Variants in ROBO2 observed in about 807,000 individuals in gnomAD.
The protein encoded by ROBO2 is roundabout guidance receptor 2, also known as roundabout homolog 2.
ROBO2 carries 53 observed loss-of-function variants against 160.8 expected under a neutral mutation model. The observed-to-expected ratio is 0.33, with a 90% confidence interval of 0.26 to 0.41. The LOEUF (loss-of-function observed/expected upper bound fraction) is 0.41. ROBO2 is among the 10% of genes least tolerant of loss of function. The probability of loss-of-function intolerance (pLI) is 1.00; values close to 1 mark genes in which losing one functional copy is unlikely to be tolerated. For synonymous variants in ROBO2, 664 were observed against 611.7 expected, an observed-to-expected ratio of 1.09 and a Z score of -1.26; for missense variants, 1,577 against 1,722.4, an observed-to-expected ratio of 0.92 and a Z score of 1.49.
chr3:76,453,083 T>C (rs1377559964), intron 2 of ROBO2, among the ~76,000 whole-genome samples: 1 of 152,198 alleles, frequency 6.6e-6, no homozygotes, highest in African/African-American at 2.4e-5. Flanking sequence ...TAGCCCTTTG[T>C]CAGATGAGTA....
chr3:77,219,484 AATC>A (rs2085476986), intron 2 of ROBO2, among the ~76,000 whole-genome samples: 2 of 90,704 alleles, frequency 2.2e-5, no homozygotes, highest in African/African-American at 3.8e-5. Flanking sequence ...ATATATATAT[AATC>A]TGTATATATA....
intron 2 of ROBO2, among the ~76,000 whole-genome samples, chr3:76,465,136 G>A (rs1195393288): frequency 6.6e-6 from 1 of 151,960 alleles, no homozygotes; most frequent in Non-Finnish European, 1.5e-5. Context: ...TTATATTTTT[G>A]TTGAGGCGTA....
chr3:76,332,169 G>A (rs2073540407), intron 2 of ROBO2, among the ~76,000 whole-genome samples: 1 of 152,136 alleles, frequency 6.6e-6, no homozygotes, highest in Non-Finnish European at 1.5e-5. Context: ...TTCCATGATT[G>A]GAGACATTTT....
At chr3:76,034,756 G>C (rs1576574208) in intron 2 of ROBO2, among the ~76,000 whole-genome samples, 1 of 152,026 alleles carries the variant, frequency 6.6e-6, no homozygotes, top group Non-Finnish European at 1.5e-5. Flanking sequence ...GTAGAAAAAA[G>C]TGAAAATTCC....
At chr3:77,319,571 G>A (rs1159274159) in intron 2 of ROBO2, among the ~76,000 whole-genome samples, 1 of 152,156 alleles carries the variant, frequency 6.6e-6, no homozygotes, top group Non-Finnish European at 1.5e-5. Context: ...AATTGAGTGT[G>A]CTATGAGTAA....
At chr3:76,593,509 TTGAAA>T (rs1443769618) in intron 2 of ROBO2, among the ~76,000 whole-genome samples, 2 of 152,074 alleles carry the variant, frequency 1.3e-5, no homozygotes, top group East Asian at 3.8e-4. Flanking sequence ...GTTAATCACC[TTGAAA>T]TGAATGAGCA....
At chr3:76,739,415 A>T (rs1002416809) in intron 2 of ROBO2, among the ~76,000 whole-genome samples, 1 of 145,392 alleles carries the variant, frequency 6.9e-6, no homozygotes, top group Non-Finnish European at 1.5e-5. Flanking sequence ...TCACTCGTAG[A>T]TGGGAATTGA....
At chr3:76,601,280 A>G (rs570338718) in intron 2 of ROBO2, among the ~76,000 whole-genome samples, 27 of 152,112 alleles carry the variant, frequency 1.8e-4, no homozygotes, top group Non-Finnish European at 3.7e-4. Flanking sequence ...GGTCTGGAGG[A>G]TGATGGCCCT....
intron 2 of ROBO2, among the ~76,000 whole-genome samples, chr3:77,200,495 G>T (rs1195810936): frequency 6.6e-6 from 1 of 151,294 alleles, no homozygotes; most frequent in Admixed American, 6.6e-5. Context: ...CCCCTCATCA[G>T]TCATACAAAA....
At chr3:77,490,238 C>T (rs1023838048) in intron 4 of ROBO2, among the ~76,000 whole-genome samples, 1 of 151,542 alleles carries the variant, frequency 6.6e-6, no homozygotes, top group African/African-American at 2.4e-5. Flanking sequence ...GTAGCTGGGA[C>T]TACAGGTGCC....
intron 5 of ROBO2, among the ~76,000 whole-genome samples, chr3:77,508,640 A>G (rs1209054504): frequency 6.6e-6 from 1 of 151,790 alleles, no homozygotes; most frequent in Non-Finnish European, 1.5e-5. Flanking sequence ...AATGACAAAC[A>G]ATAATGACCA....
At chr3:76,798,278 AAG>A (rs1553909370) in intron 2 of ROBO2, among the ~76,000 whole-genome samples, 2 of 149,010 alleles carry the variant, frequency 1.3e-5, no homozygotes, top group African/African-American at 5.0e-5. Flanking sequence ...GAAAGAAAGA[AAG>A]AAAGAAAGAA....
At chr3:76,011,048 T>C (rs752876819) in intron 2 of ROBO2, among the ~76,000 whole-genome samples, 14 of 152,160 alleles carry the variant, frequency 9.2e-5, no homozygotes, top group Non-Finnish European at 1.8e-4. Context: ...TAACCTTGGG[T>C]TTCAAGATAT....
chr3:76,401,717 T>C (rs1559887373), intron 2 of ROBO2, among the ~76,000 whole-genome samples: 1 of 151,046 alleles, frequency 6.6e-6, no homozygotes, highest in Non-Finnish European at 1.5e-5. Context: ...GGGAATAAAA[T>C]CAAACCTTTA....
chr3:76,536,613 C>G (rs542886065), intron 2 of ROBO2, among the ~76,000 whole-genome samples: 1 of 152,170 alleles, frequency 6.6e-6, no homozygotes, highest in East Asian at 1.9e-4. Flanking sequence ...GTCTGCTATT[C>G]CCATCGGGGA....
chr3:76,577,039 A>G (rs571096832), intron 2 of ROBO2, among the ~76,000 whole-genome samples: 120 of 152,138 alleles, frequency 7.9e-4, no homozygotes, highest in Non-Finnish European at 1.5e-3. Flanking sequence ...CAGGAAGACT[A>G]AAAGCAGTCT....
At chr3:77,633,570 C>A (rs2095211332) in intron 23 of ROBO2, 2 of 152,006 alleles carry the variant, frequency 1.3e-5, no homozygotes, top group African/African-American at 4.8e-5. Flanking sequence ...TAACTGTAAT[C>A]AAATAGTAAA....
intron 2 of ROBO2, among the ~76,000 whole-genome samples, chr3:76,834,053 C>CTCTTTCT (rs1559574649): frequency 2.5e-4 from 14 of 55,716 alleles, no homozygotes; most frequent in Non-Finnish European, 4.2e-4. Flanking sequence ...TCTTTCTCTC[C>CTCTTTCT]TTTCTTTCTT....
intron 2 of ROBO2, among the ~76,000 whole-genome samples, chr3:77,467,579 ATCTG>A (rs968872142): frequency 9.7e-5 from 13 of 133,594 alleles, no homozygotes; most frequent in Non-Finnish European, 1.6e-4. Context: ...TTTATCATCT[ATCTG>A]TCTGTATCTA....
Sources: allele counts gnomAD v4.1 joint callset (sites outside exome capture counted in the v4.1 genomes callset), GRCh38; gene constraint gnomAD v4.1.1; transcripts MANE v1.5; gene names NCBI Gene and HGNC (gene_info 2026-07-23, HGNC 2026-07-21).